GFOD2: variants seen among roughly 807,000 people sequenced by gnomAD.
GFOD2 encodes the protein glucose-fructose oxidoreductase domain-containing protein 2.
Under a neutral mutation model 24.6 loss-of-function variants are expected in GFOD2, and 9 were observed. The ratio of observed to expected loss-of-function variants is 0.37; its 90% CI spans 0.22 to 0.64. The LOEUF (loss-of-function observed/expected upper bound fraction) is 0.64, where lower values mean the gene tolerates loss of function less well. Among genes scored for constraint, GFOD2 ranks in the 30% least tolerant of loss-of-function variants. GFOD2 has a pLI of 0.65. For missense variants in GFOD2, 476 were observed against 532.5 expected (o/e 0.89, Z 1.04); for synonymous variants, 211 against 224.8 (o/e 0.94, Z 0.55).
At chr16:67,684,660 A>C (rs28587148) in intron 2 of GFOD2, 139,235 of 759,746 alleles carry the variant, frequency 0.18, 19,305 homozygotes, top group African/African-American at 0.64. Flanking sequence ...TGCGCCATTG[A>C]ACTCCAGCCT....
chr16:67,676,148 A>T, intron 2 of GFOD2, 95 bp from the exon 3 acceptor site: 1 of 1,187,650 alleles, frequency 8.4e-7, no homozygotes, highest in Non-Finnish European at 1.2e-6. Flanking sequence ...TCTGCCTTAC[A>T]ACTGCACGAA....
intron 1 of GFOD2, among the ~76,000 whole-genome samples, chr16:67,694,062 C>CTGCA (rs1468389458): frequency 4.6e-5 from 7 of 152,062 alleles, no homozygotes; most frequent in Non-Finnish European, 8.8e-5. Context: ...TCTTGGCTCA[C>CTGCA]TGCAACTTCC....
intron 1 of GFOD2, among the ~76,000 whole-genome samples, chr16:67,699,898 G>A (rs2053389330): frequency 6.6e-6 from 1 of 151,940 alleles, no homozygotes; most frequent in Admixed American, 6.6e-5. Context: ...TGGTGAACAT[G>A]GTGAAACCCT....
At chr16:67,683,367 G>A (rs1019131603) in intron 2 of GFOD2, 12 of 1,226,520 alleles carry the variant, frequency 9.8e-6, no homozygotes, top group African/African-American at 7.8e-5. Flanking sequence ...TTCTGGCTCC[G>A]GACACACCTC....
In GFOD2 at chr16:67,675,826, C is replaced by T. The variant is rs759373122; in HGVS notation, c.487G>A (p.Gly163Ser). The change falls in exon 3 of 3, where the codon GGC becomes AGC. Residue 163 changes from glycine (G) to serine (S), a missense_variant. Physicochemically the swap from Gly to Ser is moderately conservative, Grantham distance 56 (BLOSUM62 0). Transcript: ENST00000268797. ...CCCATGAGCTCATCACAGATCCAGCCATAGCTGGGGCTCAGCAGGCTGCCT... is the reference window on the plus strand; with the variant it reads ...CCCATGAGCTCATCACAGATCCAGCTATAGCTGGGGCTCAGCAGGCTGCCT... ...YSGSLLSPSYGWICDELMGGG... is the reference protein window; with the variant it reads ...YSGSLLSPSYSWICDELMGGG... 25 of 1,614,098 alleles carry T rather than the reference C, an allele frequency of 1.5e-5. No homozygotes were observed. Among genetic ancestry groups the T allele is most frequent in the Non-Finnish European group, 2.0e-5 (24 of 1,180,052 alleles).
At chr16:67,698,386 TAA>T (rs1178226354) in intron 1 of GFOD2, among the ~76,000 whole-genome samples, 19 of 152,202 alleles carry the variant, frequency 1.2e-4, no homozygotes, top group Admixed American at 1.2e-3. Context: ...ATCCCTTCAT[TAA>T]AGAGTTTTTA....
At chr16:67,693,294 T>C (rs1161460981) in intron 1 of GFOD2, among the ~76,000 whole-genome samples, 1 of 151,898 alleles carries the variant, frequency 6.6e-6, no homozygotes, top group East Asian at 1.9e-4. Context: ...GGTTTTTTTT[T>C]TTTTGACACA....
In GFOD2 at chr16:67,674,854, T is replaced by C. The variant is rs1209363416; in HGVS notation, c.*301A>G. 1.3e-5 allele frequency: 5 copies of C among 390,096 alleles called. No individual in the cohort carries two copies. Among genetic ancestry groups the C allele is most frequent in the African/African-American group, 1.0e-4 (5 of 49,284 alleles). The allele number at this position is 390,096 out of a possible 1,614,324, so 24.2% of individuals were successfully genotyped here. The stretch of plus-strand genomic sequence containing the variant: ...ACCCTGTTAGGACTGCGGATCAGGC[T>C]GAAGGGCTCCCCAGGGTGAGCCTTT... On this transcript the variant is annotated 3_prime_UTR_variant, in exon 3 of 3. Coordinates refer to ENST00000268797, the MANE Select transcript of GFOD2 (RefSeq NM_030819.4).
chr16:67,692,974 G>A (rs1240631188), intron 1 of GFOD2, among the ~76,000 whole-genome samples: 2 of 151,746 alleles, frequency 1.3e-5, no homozygotes, highest in Non-Finnish European at 2.9e-5. Context: ...AGCTTGCAGT[G>A]AGCCGAGATT....
intron 1 of GFOD2, among the ~76,000 whole-genome samples, chr16:67,711,892 TTCTC>T (rs146082753): frequency 6.6e-6 from 1 of 151,732 alleles, no homozygotes; most frequent in African/African-American, 2.4e-5. Context: ...CCACGTGGCT[TTCTC>T]TCTCTCTCTC....
intron 1 of GFOD2, among the ~76,000 whole-genome samples, chr16:67,709,974 G>A (rs2053462341): frequency 6.8e-6 from 1 of 146,298 alleles, no homozygotes; most frequent in Admixed American, 6.8e-5. Context: ...GGGACAGAGT[G>A]TCACTCTGTC....
chr16:67,681,640 G>T, intron 2 of GFOD2: 1 of 786,004 alleles, frequency 1.3e-6, no homozygotes, highest in Non-Finnish European at 1.5e-6. Flanking sequence ...TAACTCCTGA[G>T]TTCAAGCGAT....
intron 2 of GFOD2, chr16:67,681,312 T>C: frequency 1.0e-6 from 1 of 985,450 alleles, no homozygotes; most frequent in Non-Finnish European, 1.2e-6. Flanking sequence ...AAAGGACTTT[T>C]ATGACTGCTA....
chr16:67,716,724 A>G (rs1429372880), intron 1 of GFOD2, among the ~76,000 whole-genome samples: 1 of 152,212 alleles, frequency 6.6e-6, no homozygotes, highest in Non-Finnish European at 1.5e-5. Context: ...AATTTGGTTA[A>G]CAGTACTGAT....
chr16:67,702,767 T>C (rs148620438), intron 1 of GFOD2, among the ~76,000 whole-genome samples: 128 of 152,040 alleles, frequency 8.4e-4, no homozygotes, highest in African/African-American at 3.0e-3. Flanking sequence ...TGGCTAATTT[T>C]TGTATTTTTT....
At chr16:67,685,268 G>C (rs1199451952) in intron 2 of GFOD2, 189 bp downstream of exon 2, 2 of 1,435,638 alleles carry the variant, frequency 1.4e-6, no homozygotes, top group Non-Finnish European at 1.8e-6. Context: ...TTACAGATGG[G>C]AGGTAGGTTA....
chr16:67,677,362 C>G (rs148381136), intron 2 of GFOD2: 1 of 152,184 alleles, frequency 6.6e-6, no homozygotes, highest in African/African-American at 2.4e-5. Context: ...AGGTGCCCAC[C>G]ACCACGCCCG....
chr16:67,703,873 C>T (rs905576177), intron 1 of GFOD2, among the ~76,000 whole-genome samples: 2 of 152,162 alleles, frequency 1.3e-5, no homozygotes. Context: ...CCCCTGGCAA[C>T]CACCATTCTA....
chr16:67,675,725 C>T lies in GFOD2; in HGVS notation c.588G>A (p.Lys196=), dbSNP rs1391434117. 3 of 1,614,102 alleles carry T rather than the reference C, an allele frequency of 1.9e-6. No homozygotes were observed. Among genetic ancestry groups the T allele is most frequent in the Non-Finnish European group, 2.5e-6 (3 of 1,180,036 alleles). ...CGAATGTCTTGAGCAGCCCGTGCAC[C>T]TTCTCGGCTCTCCGGCCGGTCAGGT... ...LTHLTGRRAE[K]VHGLLKTFVR... is the part of the protein sequence containing the mutation. Residue 196 remains lysine, a synonymous_variant, in exon 3 of 3, where the codon AAG becomes AAA. Transcript: ENST00000268797.
Sources: allele counts gnomAD v4.1 joint callset (sites outside exome capture counted in the v4.1 genomes callset), GRCh38; gene constraint gnomAD v4.1.1; transcripts MANE v1.5; gene names NCBI Gene and HGNC (gene_info 2026-07-23, HGNC 2026-07-21).